PCDH15: variants seen among roughly 807,000 people sequenced by gnomAD.
The protein encoded by PCDH15 is protocadherin related 15.
Under a neutral mutation model 178.5 loss-of-function variants are expected in PCDH15, and 129 were observed. The ratio of observed to expected loss-of-function variants is 0.72; its 90% CI spans 0.63 to 0.84. PCDH15 has a LOEUF of 0.84. PCDH15 is among the 40% of genes least tolerant of loss of function. The probability of loss-of-function intolerance (pLI) is 0.00; values close to 1 mark genes in which losing one functional copy is unlikely to be tolerated. For missense variants in PCDH15, 2,230 were observed against 2,099.9 expected, an observed-to-expected ratio of 1.06 and a Z score of -1.21; for synonymous variants, 800 against 732.0, an observed-to-expected ratio of 1.09 and a Z score of -1.50.
upstream of PCDH15, among the ~76,000 whole-genome samples, chr10:55,321,410 T>C (rs979240650): frequency 1.3e-5 from 2 of 152,054 alleles, no homozygotes; most frequent in African/African-American, 4.8e-5. Context: ...AGCAAGCAAC[T>C]TGAAAAACAA....
At chr10:54,310,527 T>C (rs953077739) in intron 8 of PCDH15, among the ~76,000 whole-genome samples, 6 of 152,064 alleles carry the variant, frequency 3.9e-5, no homozygotes, top group African/African-American at 1.4e-4. Context: ...GGAGTAACAA[T>C]ACATAGTAAG....
intron 2 of PCDH15, among the ~76,000 whole-genome samples, chr10:54,993,659 T>C (rs1839566776): frequency 6.6e-6 from 1 of 152,122 alleles, no homozygotes; most frequent in Admixed American, 6.5e-5. Flanking sequence ...ACACATTTCA[T>C]GAGTTTTGCT....
At chr10:55,218,937 T>C (rs551522885) in intron 1 of PCDH15, among the ~76,000 whole-genome samples, 2 of 152,186 alleles carry the variant, frequency 1.3e-5, no homozygotes, top group East Asian at 3.9e-4. Context: ...CCAACATCTA[T>C]ATTTTGTTGA....
At chr10:55,028,818 T>C (rs995242366) in intron 2 of PCDH15, among the ~76,000 whole-genome samples, 1 of 152,040 alleles carries the variant, frequency 6.6e-6, no homozygotes, top group African/African-American at 2.4e-5. Context: ...TACATGTTTA[T>C]CTGCTTCTAG....
intron 2 of PCDH15, among the ~76,000 whole-genome samples, chr10:55,091,547 T>A (rs1317101305): frequency 2.6e-5 from 4 of 151,914 alleles, no homozygotes; most frequent in Non-Finnish European, 1.5e-5. Flanking sequence ...TTACCAAGGG[T>A]ACAATTACTA....
chr10:54,010,684 T>A (rs150842231), intron 20 of PCDH15, among the ~76,000 whole-genome samples: 1 of 152,114 alleles, frequency 6.6e-6, no homozygotes, highest in Non-Finnish European at 1.5e-5. Context: ...TGACTGCAGC[T>A]ACCCTTGGGC....
intron 8 of PCDH15, among the ~76,000 whole-genome samples, chr10:54,298,471 C>G (rs1452136377): frequency 6.6e-6 from 1 of 152,174 alleles, no homozygotes; most frequent in Non-Finnish European, 1.5e-5. Context: ...GAAAATGGAG[C>G]AGGCCAATCA....
intron 2 of PCDH15, among the ~76,000 whole-genome samples, chr10:55,538,948 TTCCTTCCTTTCC>T (rs1187753008): frequency 5.2e-5 from 2 of 38,606 alleles, no homozygotes; most frequent in African/African-American, 1.4e-4. Context: ...CCTTCCTCCC[TTCCTTCCTTTCC>T]TTCCTTCCTT....
chr10:55,286,501 G>GT (rs34383872), intron 1 of PCDH15, among the ~76,000 whole-genome samples: 4,072 of 141,062 alleles, frequency 0.029, 149 homozygotes, highest in African/African-American at 0.08. Context: ...GTCTATGAGG[G>GT]TTTTTTTTTT....
chr10:54,571,333 G>GA lies in PCDH15; in HGVS notation c.92-43457dup, dbSNP rs60604711. On this transcript the variant is annotated intron_variant, in intron 2 of 37. Transcript: ENST00000644397. ...AAGTACGAGACAATAGACAAAATTTGAAAAAAAAAAAAAAAAAAAAAAAAA... is the reference window on the plus strand; with the variant it reads ...AAGTACGAGACAATAGACAAAATTTGAAAAAAAAAAAAAAAAAAAAAAAAAA... Among the ~76,000 whole-genome samples, 511 of 128,428 alleles carry GA rather than the reference G, an allele frequency of 4.0e-3. 6 individuals carry two copies. Among genetic ancestry groups the GA allele is most frequent in the Admixed American group, 0.026 (313 of 12,086 alleles). 84.3% of individuals were successfully genotyped at this position (128,428 alleles called of 152,430 possible).
chr10:54,122,927 C>T (rs2041676965), intron 15 of PCDH15, among the ~76,000 whole-genome samples: 1 of 151,444 alleles, frequency 6.6e-6, no homozygotes, highest in Non-Finnish European at 1.5e-5. Context: ...GGAAAGGACT[C>T]CCTATTCAAT....
At chr10:55,199,102 G>A (rs200915210) in intron 1 of PCDH15, among the ~76,000 whole-genome samples, 2 of 152,096 alleles carry the variant, frequency 1.3e-5, no homozygotes, top group African/African-American at 4.8e-5. Flanking sequence ...AATGGGCAGA[G>A]GTTGGCATAG....
At chr10:54,133,379 C>CT (rs1301995025) in intron 14 of PCDH15, among the ~76,000 whole-genome samples, 1 of 152,062 alleles carries the variant, frequency 6.6e-6, no homozygotes, top group African/African-American at 2.4e-5. Context: ...GTCCTTGGGG[C>CT]TTTTTTGCTG....
At chr10:55,237,168 T>A (rs950600083) in intron 1 of PCDH15, among the ~76,000 whole-genome samples, 1 of 152,126 alleles carries the variant, frequency 6.6e-6, no homozygotes, top group African/African-American at 2.4e-5. Context: ...AGGTAAACAA[T>A]TTTTTAGATA....
rs540480692 is a variant in PCDH15, at chr10:54,984,455, T to C, written c.-79-86955A>G. 2.6e-5 allele frequency among the ~76,000 whole-genome samples: 4 copies of C among 152,320 alleles called. No individual in the cohort carries two copies. In the East Asian group the frequency reaches 5.8e-4, roughly 22 times the overall value. On this transcript the variant is annotated intron_variant, in intron 2 of 5. Coordinates refer to the PCDH15 transcript ENST00000458638. ...GAATCTGAACAGACAGGCCTTGCTG[T>C]GTTTCTCAGTCTGTTACCATCAGCA...
At chr10:55,484,896 AG>A (rs1300469875) in intron 2 of PCDH15, among the ~76,000 whole-genome samples, 1 of 151,798 alleles carries the variant, frequency 6.6e-6, no homozygotes, top group Non-Finnish European at 1.5e-5. Flanking sequence ...GAAATGAATA[AG>A]AGTTAAATCT....
At chr10:55,398,176 A>AC (rs1221349908) in intron 2 of PCDH15, among the ~76,000 whole-genome samples, 1 of 151,908 alleles carries the variant, frequency 6.6e-6, no homozygotes, top group Non-Finnish European at 1.5e-5. Context: ...TTACCAAAAA[A>AC]AAAAAAATCC....
Position 54,369,192 on chromosome 10 carries a change from T to C in PCDH15, c.402A>G (p.Arg134=), listed in dbSNP as rs368763164. 61 of 1,613,136 alleles carry C rather than the reference T, an allele frequency of 3.8e-5. No homozygotes were observed. Among genetic ancestry groups the C allele is most frequent in the Non-Finnish European group, 4.9e-5 (58 of 1,179,452 alleles). Residue 134 remains arginine, a synonymous_variant, in exon 5 of 38, where the codon CGA becomes CGG. Transcript: ENST00000644397. Reference sequence around the variant, plus strand: ...TGTCATTCCTGTCTCTCACCACTATTCGCACTTCATGGTAGATAATAGTGC... The same window carrying C: ...TGTCATTCCTGTCTCTCACCACTATCCGCACTTCATGGTAGATAATAGTGC... ...KVGTIIYHEV[R]IVVRDRNDNS...
intron 1 of PCDH15, among the ~76,000 whole-genome samples, chr10:55,212,319 A>G (rs554882775): frequency 1.3e-5 from 2 of 152,022 alleles, no homozygotes; most frequent in African/African-American, 2.4e-5. Flanking sequence ...CAGCTCATCT[A>G]TAAAAGCTGC....
Sources: gnomAD v4.1 joint callset for allele counts (sites outside exome capture counted in the v4.1 genomes callset) on GRCh38, gnomAD v4.1.1 for gene constraint, MANE v1.5 for transcripts, NCBI Gene and HGNC (gene_info 2026-07-23, HGNC 2026-07-21) for gene names.